The following PGAP3 variants were observed in gnomAD, a reference collection of about 807,000 sequenced individuals.
PGAP3 encodes the protein GPI-specific phospholipase A2-like PGAP3.
In PGAP3, 31 loss-of-function variants were observed where a neutral mutation model predicts 40.3. The ratio of observed to expected loss-of-function variants is 0.77; its 90% CI spans 0.58 to 1.04. PGAP3 has a LOEUF of 1.04. Ranked by LOEUF, PGAP3 falls within the 50% of genes least tolerant of loss-of-function variation. The pLI is 0.00. For synonymous variants in PGAP3, 191 were observed against 184.5 expected, an observed-to-expected ratio of 1.04 and a Z score of -0.29; for missense variants, 413 against 423.0, an observed-to-expected ratio of 0.98 and a Z score of 0.21.
At chr17:39,676,288 C>T (rs761418723) in intron 3 of PGAP3, among the ~76,000 whole-genome samples, 1 of 152,136 alleles carries the variant, frequency 6.6e-6, no homozygotes, top group African/African-American at 2.4e-5. Context: ...GAGAGTGGCC[C>T]TGGAGCCAAT....
At position 39,672,857 on chromosome 17, in the gene PGAP3, T is replaced by G. The variant is rs1177830120; in HGVS notation, c.909A>C (p.Glu303Asp). 3 of 1,614,008 alleles carry G rather than the reference T, an allele frequency of 1.9e-6. No homozygotes were observed. The highest frequency in any genetic ancestry group is 2.5e-6 in the Non-Finnish European group (3 of 1,179,994). ...CCTTCAGCAGGTACAGGCTGTCATC[T>G]TCCAGAAAGCTGTGGGCCAAAGGAG... Reference protein sequence around the residue: ...PVHVLFFSFLEDDSLYLLKES... With the variant: ...PVHVLFFSFLDDDSLYLLKES... The change falls in exon 8 of 8, where the codon GAA becomes GAC. Residue 303 changes from glutamate to aspartate, a missense_variant. Physicochemically the swap from Glu to Asp is conservative, Grantham distance 45 (BLOSUM62 2). Transcript: ENST00000300658.
chr17:39,687,783 G>T (rs1202345476), intron 1 of PGAP3, 51 bp downstream of exon 1: 42 of 1,288,482 alleles, frequency 3.3e-5, no homozygotes, highest in Non-Finnish European at 4.2e-5. Context: ...GGGGGCGCAG[G>T]GGGCGGGAGC....
At chr17:39,680,591 G>C (rs541338329) in intron 3 of PGAP3, among the ~76,000 whole-genome samples, 2 of 152,062 alleles carry the variant, frequency 1.3e-5, no homozygotes, top group African/African-American at 4.8e-5. Flanking sequence ...TCCAGATTCC[G>C]GGGTCTCCTT....
At chr17:39,687,755 G>A in intron 1 of PGAP3, 79 bp downstream of exon 1, 2 of 1,137,548 alleles carry the variant, frequency 1.8e-6, no homozygotes, top group Non-Finnish European at 2.3e-6. Flanking sequence ...TAAGGTTCAG[G>A]GATTGCAGAG....
intron 3 of PGAP3, among the ~76,000 whole-genome samples, chr17:39,674,902 G>A (rs975050192): frequency 1.3e-5 from 2 of 151,710 alleles, no homozygotes; most frequent in African/African-American, 2.4e-5. Context: ...CCAAGGCCAC[G>A]GGGGGCTGCA....
At chr17:39,686,052 C>A in intron 1 of PGAP3, 33 bp from the exon 2 acceptor site, 1 of 1,580,284 alleles carries the variant, frequency 6.3e-7, no homozygotes, top group African/African-American at 1.3e-5. Flanking sequence ...GGTGAACTCC[C>A]CAGCACAGAG....
intron 7 of PGAP3, 41 bp downstream of exon 7, chr17:39,673,010 G>A: frequency 6.3e-7 from 1 of 1,585,770 alleles, no homozygotes; most frequent in South Asian, 1.1e-5. Flanking sequence ...GGCAAGGAAG[G>A]GTCCAAAGAA....
Position 39,688,051 on chromosome 17 carries a change from G to C in PGAP3, c.-37C>G. On this transcript the variant is annotated 5_prime_UTR_variant, in exon 1 of 8. Transcript: ENST00000300658. ...GGCTCGCCGCCGGGGGAGGAGCTTA[G>C]GAGTATGAAGCTTCCACTTCCGGAG... The C allele has an allele frequency of 7.5e-7, 1 of 1,334,936 alleles. No individual in the cohort carries two copies. Among genetic ancestry groups the C allele is most frequent in the Non-Finnish European group, 9.7e-7 (1 of 1,030,926 alleles). The allele number at this position is 1,334,936 out of a possible 1,614,324, so 82.7% of individuals were successfully genotyped here.
chr17:39,684,307 A>AACTGTCC (rs1457446261), intron 3 of PGAP3, among the ~76,000 whole-genome samples: 1 of 151,942 alleles, frequency 6.6e-6, no homozygotes, highest in Non-Finnish European at 1.5e-5. Context: ...TGTGTTTGTA[A>AACTGTCC]ACTGTCCTAC....
chr17:39,672,983 A>G lies in PGAP3; in HGVS notation c.899+68T>C, dbSNP rs1030877773. The G allele has an allele frequency of 3.1e-4, 492 of 1,578,248 alleles. 1 individual carries two copies. The highest frequency in any genetic ancestry group is 4.0e-4 in the Non-Finnish European group (464 of 1,157,738). ...GGCGGATGGGCACACAGAGCCCCCA[A>G]TCTCCCCTAAGGAGTGGGCAAGGAA... On this transcript the variant is annotated intron_variant, in intron 7 of 7. Transcript: ENST00000300658.
intron 5 of PGAP3, 28 bp from the exon 6 acceptor site, chr17:39,673,678 G>A (rs761248276): frequency 1.2e-6 from 2 of 1,611,008 alleles, no homozygotes; most frequent in Non-Finnish European, 8.5e-7. Flanking sequence ...GTTGCTCAGA[G>A]GGCAGGTGGC....
At chr17:39,682,703 G>C (rs1370514519) in intron 3 of PGAP3, among the ~76,000 whole-genome samples, 1 of 152,086 alleles carries the variant, frequency 6.6e-6, no homozygotes, top group South Asian at 2.1e-4. Flanking sequence ...CCTTCAATCT[G>C]TTCTCTACAC....
intron 1 of PGAP3, among the ~76,000 whole-genome samples, chr17:39,687,106 T>C (rs1005875937): frequency 5.9e-5 from 9 of 152,168 alleles, no homozygotes; most frequent in Admixed American, 1.3e-4. Context: ...ATTCTCTCTG[T>C]TCCCTCTGTC....
Position 39,673,162 on chromosome 17 carries a change from A to C in PGAP3, c.788T>G (p.Leu263Arg), listed in dbSNP as rs373574808. Residue 263 changes from leucine (L) to arginine (R), a missense_variant, in exon 7 of 8, where the codon CTG (leucine) becomes CGG (arginine). Transcript: ENST00000300658. ...VRKCVVVVLLLQGLSLLELLD... is the reference protein window; with the variant it reads ...VRKCVVVVLLRQGLSLLELLD... ...CAGCTCGAGCAGGGACAGCCCCTGCAGCAGCAAGACCACCACCACGCACTT... is the reference window on the plus strand; with the variant it reads ...CAGCTCGAGCAGGGACAGCCCCTGCCGCAGCAAGACCACCACCACGCACTT... The C allele has an allele frequency of 6.3e-6, 10 of 1,593,412 alleles. No homozygotes were observed. The highest frequency in any genetic ancestry group is 7.7e-6 in the Non-Finnish European group (9 of 1,170,718).
chr17:39,675,364 G>A (rs1282466309), intron 3 of PGAP3, among the ~76,000 whole-genome samples: 1 of 152,248 alleles, frequency 6.6e-6, no homozygotes, highest in Admixed American at 6.5e-5. Flanking sequence ...TGCGTGGAGA[G>A]AGCACAAAAG....
chr17:39,682,225 CAAAAAAAAAAAAAAAAAAAA>C (rs60959390), intron 3 of PGAP3, among the ~76,000 whole-genome samples: 2 of 22,810 alleles, frequency 8.8e-5, no homozygotes, highest in Admixed American at 1.0e-3. Context: ...GACTCTGTCT[CAAAAAAAAAAAAAAAAAAAA>C]AAAAAAAAAA....
Position 39,674,036 on chromosome 17 carries a change from C to A in PGAP3, c.514G>T (p.Ala172Ser). ...ATTGAGTGTAGGATGACAGTGGAGG[C>A]ACAGAAGTAGTCCATTTTCTGAGGA... ...DLTEKMDYFC[A>S]STVILHSIYL... Residue 172 changes from alanine to serine, a missense_variant, in exon 5 of 8, where the codon GCC becomes TCC. Physicochemically the swap from Ala to Ser is moderately conservative, Grantham distance 99. Transcript: ENST00000300658. 6.2e-7 allele frequency: 1 copy of A among 1,614,016 alleles called. No individual in the cohort carries two copies. The highest frequency in any genetic ancestry group is 8.5e-7 in the Non-Finnish European group (1 of 1,179,944).
chr17:39,684,891 C>A, intron 2 of PGAP3, 142 bp from the exon 3 acceptor site: 1 of 1,009,470 alleles, frequency 9.9e-7, no homozygotes, highest in African/African-American at 1.6e-5. Flanking sequence ...AGGTTCAGTA[C>A]CTCTTCAGAC....
Position 39,673,539 on chromosome 17 carries a change from G to A in PGAP3, c.669C>T (p.Tyr223=). The A allele has an allele frequency of 6.2e-7, 1 of 1,613,910 alleles. No individual in the cohort carries two copies. Among genetic ancestry groups the A allele is most frequent in the Non-Finnish European group, 8.5e-7 (1 of 1,179,976 alleles). ...YLSLIRFDYG[Y]NLVANVAIGL... ...CAATAGCCACGTTGGCCACCAGGTT[G>A]TAGCCATAGTCGAAGCGGATGAGGC... is the stretch of plus-strand genomic sequence containing the variant. The change falls in exon 6 of 8, where the codon TAC becomes TAT. Residue 223 remains tyrosine, a synonymous_variant. Coordinates refer to ENST00000300658, the MANE Select transcript of PGAP3 (RefSeq NM_033419.5).
Sources: allele counts gnomAD v4.1 joint callset (sites outside exome capture counted in the v4.1 genomes callset), GRCh38; gene constraint gnomAD v4.1.1; transcripts MANE v1.5; gene names NCBI Gene and HGNC (gene_info 2026-07-23, HGNC 2026-07-21).